PRKG1: variants seen among roughly 807,000 people sequenced by gnomAD.
PRKG1 encodes cGMP-dependent protein kinase 1.
In PRKG1, 35 loss-of-function variants were observed where a neutral mutation model predicts 88.1. The ratio of observed to expected loss-of-function variants is 0.40; its 90% confidence interval spans 0.30 to 0.53. The LOEUF is 0.53. Ranked by LOEUF, PRKG1 falls within the 20% of genes least tolerant of loss-of-function variation. PRKG1 has a pLI of 0.59. For missense variants in PRKG1, 540 were observed against 839.8 expected (o/e 0.64, Z 4.41); for synonymous variants, 303 against 292.5 (o/e 1.04, Z -0.37).
chr10:51,635,353 A>T (rs543431272), intron 3 of PRKG1, among the ~76,000 whole-genome samples: 9 of 152,142 alleles, frequency 5.9e-5, no homozygotes, highest in African/African-American at 1.4e-4. Flanking sequence ...TGAAAATGCA[A>T]TATGTAAATA....
At chr10:52,015,594 C>T (rs2133179990) in intron 5 of PRKG1, among the ~76,000 whole-genome samples, 1 of 152,310 alleles carries the variant, frequency 6.6e-6, no homozygotes, top group African/African-American at 2.4e-5. Context: ...CTGCAGCTGG[C>T]TTGAATTTCT....
chr10:51,427,359 C>T (rs528383311), intron 2 of PRKG1, among the ~76,000 whole-genome samples: 2 of 152,046 alleles, frequency 1.3e-5, no homozygotes, highest in Non-Finnish European at 2.9e-5. Flanking sequence ...GTCCAGCAGC[C>T]CCTCATACAC....
At chr10:51,127,506 G>A (rs971101296) in intron 1 of PRKG1, among the ~76,000 whole-genome samples, 1 of 152,282 alleles carries the variant, frequency 6.6e-6, no homozygotes, top group Non-Finnish European at 1.5e-5. Context: ...TTACACTGTT[G>A]GTAGGAATGT....
chr10:52,108,321 G>A (rs563085577), intron 7 of PRKG1, among the ~76,000 whole-genome samples: 1 of 152,292 alleles, frequency 6.6e-6, no homozygotes, highest in Admixed American at 6.5e-5. Flanking sequence ...CTTTCAATCT[G>A]TATGATAGTT....
chr10:51,858,390 A>G (rs369094814), intron 4 of PRKG1, among the ~76,000 whole-genome samples: 1 of 13,686 alleles, frequency 7.3e-5, no homozygotes, highest in Admixed American at 9.4e-4. Context: ...ATATATATAT[A>G]ATATATATAA....
intron 1 of PRKG1, among the ~76,000 whole-genome samples, chr10:51,079,839 G>A (rs1311637021): frequency 6.6e-6 from 1 of 152,134 alleles, no homozygotes; most frequent in Non-Finnish European, 1.5e-5. Flanking sequence ...GTTAATTGAA[G>A]CAAACAGCAG....
At chr10:51,733,089 T>C (rs1837164021) in intron 3 of PRKG1, among the ~76,000 whole-genome samples, 1 of 152,072 alleles carries the variant, frequency 6.6e-6, no homozygotes. Flanking sequence ...AAAACACACC[T>C]CTTTCTCTTG....
At chr10:51,819,158 C>T (rs2132724084) in intron 4 of PRKG1, among the ~76,000 whole-genome samples, 1 of 151,802 alleles carries the variant, frequency 6.6e-6, no homozygotes, top group South Asian at 2.1e-4. Context: ...CTTCAGGATG[C>T]TTCCCCTCGT....
intron 7 of PRKG1, among the ~76,000 whole-genome samples, chr10:52,091,149 T>A (rs114080432): frequency 0.041 from 6,212 of 152,146 alleles, 437 homozygotes; most frequent in African/African-American, 0.14. Flanking sequence ...GAGGGAAAAA[T>A]CTGCTTTTAA....
intron 7 of PRKG1, among the ~76,000 whole-genome samples, chr10:52,080,985 G>A (rs1846758035): frequency 6.6e-6 from 1 of 152,096 alleles, no homozygotes; most frequent in South Asian, 2.1e-4. Context: ...TGAGGCCTCT[G>A]TTGCAATTGC....
intron 5 of PRKG1, among the ~76,000 whole-genome samples, chr10:52,054,066 T>C (rs1420422963): frequency 1.3e-5 from 2 of 152,184 alleles, no homozygotes; most frequent in Non-Finnish European, 2.9e-5. Flanking sequence ...TGCTATTTTG[T>C]TTTATGCTCA....
intron 1 of PRKG1, among the ~76,000 whole-genome samples, chr10:51,113,674 A>G (rs1271066870): frequency 6.6e-6 from 1 of 150,462 alleles, no homozygotes; most frequent in Non-Finnish European, 1.5e-5. Flanking sequence ...GTAGAAAGGA[A>G]CTGTCTTAAG....
intron 3 of PRKG1, among the ~76,000 whole-genome samples, chr10:51,653,160 C>A (rs1564591313): frequency 1.3e-5 from 2 of 152,160 alleles, no homozygotes; most frequent in Non-Finnish European, 1.5e-5. Flanking sequence ...GTGAATAGTG[C>A]TGTAATAACA....
chr10:52,185,387 C>T (rs966775321), intron 9 of PRKG1, among the ~76,000 whole-genome samples: 1 of 152,222 alleles, frequency 6.6e-6, no homozygotes, highest in Non-Finnish European at 1.5e-5. Flanking sequence ...AAATGGTCTC[C>T]CAAGCCCACT....
At chr10:52,099,884 T>C (rs1247235362) in intron 7 of PRKG1, among the ~76,000 whole-genome samples, 1 of 152,132 alleles carries the variant, frequency 6.6e-6, no homozygotes, top group Non-Finnish European at 1.5e-5. Context: ...AACAGGAGAG[T>C]GCTTGTAATG....
intron 2 of PRKG1, among the ~76,000 whole-genome samples, chr10:51,332,265 A>G (rs562700837): frequency 3.4e-4 from 52 of 152,294 alleles, no homozygotes; most frequent in African/African-American, 1.2e-3. Context: ...TGAGGTCCTA[A>G]TGAAATTCAC....
chr10:51,766,560 A>C (rs1216404573), intron 3 of PRKG1, among the ~76,000 whole-genome samples: 1 of 152,034 alleles, frequency 6.6e-6, no homozygotes, highest in Non-Finnish European at 1.5e-5. Flanking sequence ...TGTTTGAAAT[A>C]ATTTTACTGA....
chr10:51,317,382 G>T (rs1411115107), intron 2 of PRKG1, among the ~76,000 whole-genome samples: 1 of 152,170 alleles, frequency 6.6e-6, no homozygotes, highest in Non-Finnish European at 1.5e-5. Flanking sequence ...TTGATTTTAA[G>T]ATTAAAATTA....
intron 2 of PRKG1, among the ~76,000 whole-genome samples, chr10:51,168,586 A>G (rs2132002943): frequency 6.6e-6 from 1 of 152,254 alleles, no homozygotes; most frequent in Non-Finnish European, 1.5e-5. Flanking sequence ...AAGTCTGGAG[A>G]CTAAGTTTGA....
Sources: gnomAD v4.1 joint callset for allele counts (sites outside exome capture counted in the v4.1 genomes callset) on GRCh38, gnomAD v4.1.1 for gene constraint, MANE v1.5 for transcripts, NCBI Gene and HGNC (gene_info 2026-07-23, HGNC 2026-07-21) for gene names.